The following VAV3 variants were observed in gnomAD, a reference collection of about 807,000 sequenced individuals.
The protein encoded by VAV3 is vav guanine nucleotide exchange factor 3.
Under a neutral mutation model 131.2 loss-of-function variants are expected in VAV3, and 94 were observed. The ratio of observed to expected loss-of-function variants is 0.72; its 90% CI spans 0.61 to 0.85. VAV3 has a LOEUF of 0.85. VAV3 is among the 40% of genes least tolerant of loss of function. VAV3 has a pLI of 0.00. For synonymous variants in VAV3, 349 were observed against 342.0 expected (o/e 1.02, Z -0.22); for missense variants, 939 against 1,002.7 (o/e 0.94, Z 0.86).
In VAV3 at chr1:107,871,444, G is replaced by C. The variant is rs549637226; in HGVS notation, c.321+3457C>G. Among the ~76,000 whole-genome samples, 4 of 150,292 alleles carry C rather than the reference G, an allele frequency of 2.7e-5. No homozygotes were observed. The South Asian group carries it at 8.4e-4, about 32-fold the overall frequency. On this transcript the variant is annotated intron_variant, in intron 2 of 26. Coordinates refer to ENST00000370056, the MANE Select transcript of VAV3 (RefSeq NM_006113.5). Reference sequence around the variant, plus strand: ...GAGTGAGAGTCATATCTAACCTGAAGGCCTCTGCTGACTCTTAAATGAGTT... The same window carrying C: ...GAGTGAGAGTCATATCTAACCTGAACGCCTCTGCTGACTCTTAAATGAGTT...
intron 2 of VAV3, among the ~76,000 whole-genome samples, chr1:107,827,012 G>A (rs889412537): frequency 6.6e-6 from 1 of 151,986 alleles, no homozygotes; most frequent in Non-Finnish European, 1.5e-5. Flanking sequence ...AAAAAAATAT[G>A]AATGACCTAA....
chr1:107,712,457 C>T (rs1261981240), intron 15 of VAV3, among the ~76,000 whole-genome samples: 1 of 152,136 alleles, frequency 6.6e-6, no homozygotes, highest in African/African-American at 2.4e-5. Context: ...AGATTGGACA[C>T]ACCTGTTGTA....
chr1:107,579,121 G>A (rs1269453708), intron 25 of VAV3, among the ~76,000 whole-genome samples: 4 of 152,058 alleles, frequency 2.6e-5, no homozygotes, highest in Non-Finnish European at 5.9e-5. Flanking sequence ...ATCATCATTC[G>A]CATTCCTATC....
chr1:107,595,902 A>C (rs1418715620), intron 25 of VAV3, among the ~76,000 whole-genome samples: 2 of 152,196 alleles, frequency 1.3e-5, no homozygotes, highest in Non-Finnish European at 2.9e-5. Flanking sequence ...ATTACATGTA[A>C]GTTAAAAAGA....
chr1:107,642,830 T>A, intron 19 of VAV3, 75 bp from the exon 20 acceptor site: 1 of 1,587,794 alleles, frequency 6.3e-7, no homozygotes, highest in Non-Finnish European at 8.5e-7. Context: ...TTACAAAAAA[T>A]GTCATTATTA....
intron 1 of VAV3, among the ~76,000 whole-genome samples, chr1:107,960,573 G>T (rs1207273008): frequency 1.3e-5 from 2 of 151,928 alleles, no homozygotes; most frequent in East Asian, 3.9e-4. Context: ...AGTCCTTAAA[G>T]TGGCCCACAA....
At chr1:107,754,220 A>T (rs911602444) in intron 12 of VAV3, among the ~76,000 whole-genome samples, 1 of 152,214 alleles carries the variant, frequency 6.6e-6, no homozygotes, top group Non-Finnish European at 1.5e-5. Context: ...GAAGACAACA[A>T]CAAAAAAATC....
intron 15 of VAV3, among the ~76,000 whole-genome samples, chr1:107,724,903 A>T (rs565354054): frequency 3.9e-4 from 60 of 151,950 alleles, no homozygotes; most frequent in African/African-American, 1.4e-3. Context: ...TACTCCAGAA[A>T]TCTGATCTTG....
At chr1:107,961,201 C>T (rs1174671959) in intron 1 of VAV3, among the ~76,000 whole-genome samples, 1 of 152,168 alleles carries the variant, frequency 6.6e-6, no homozygotes, top group East Asian at 1.9e-4. Flanking sequence ...ATTACCCCTA[C>T]TATAAAGCAT....
chr1:107,743,943 T>C (rs752643035), intron 15 of VAV3, among the ~76,000 whole-genome samples: 1 of 152,346 alleles, frequency 6.6e-6, no homozygotes, highest in Non-Finnish European at 1.5e-5. Context: ...TGACTTCAAA[T>C]TCCTTCTGGA....
intron 19 of VAV3, among the ~76,000 whole-genome samples, chr1:107,657,018 A>T (rs140394625): frequency 1.4e-5 from 2 of 138,928 alleles, no homozygotes; most frequent in African/African-American, 5.5e-5. Flanking sequence ...CAGTGGCACA[A>T]TCTCAGCTCA....
chr1:107,963,418 C>CTCACT (rs1557949896), intron 1 of VAV3: 1 of 152,062 alleles, frequency 6.6e-6, no homozygotes, highest in African/African-American at 2.4e-5. Context: ...AATAATTTAC[C>CTCACT]TCACTTTTAA....
rs987094639 is a variant in VAV3 at position 107,691,415 on chromosome 1, T to C, written c.1706-3009A>G. 2.6e-5 allele frequency among the ~76,000 whole-genome samples: 4 copies of C among 152,302 alleles called. No individual in the cohort carries two copies. The East Asian group carries it at 7.7e-4, about 29-fold the overall frequency. On this transcript the variant is annotated intron_variant, in intron 17 of 26. Coordinates refer to ENST00000370056, the MANE Select transcript of VAV3 (RefSeq NM_006113.5). ...GGGCACTTGGATCTCTAGAAAACTC[T>C]GTTCATGCCTTAGTTCTGCAATAGA...
At chr1:107,576,316 C>A in intron 25 of VAV3, 1 of 1,237,160 alleles carries the variant, frequency 8.1e-7, no homozygotes. Context: ...GTATGAGAAG[C>A]CATACATGGA....
At chr1:107,939,795 T>C (rs1022953042) in intron 1 of VAV3, among the ~76,000 whole-genome samples, 2 of 151,986 alleles carry the variant, frequency 1.3e-5, no homozygotes, top group Non-Finnish European at 2.9e-5. Flanking sequence ...GGAAGAAAAA[T>C]ACAAAGACGA....
chr1:107,617,493 G>A, intron 21 of VAV3, 74 bp downstream of exon 21: 1 of 1,348,100 alleles, frequency 7.4e-7, no homozygotes, highest in Non-Finnish European at 1.0e-6. Context: ...AGTATCCTTT[G>A]TAGATTTTTG....
At chr1:107,788,385 G>C (rs985115179) in intron 2 of VAV3, among the ~76,000 whole-genome samples, 1 of 151,974 alleles carries the variant, frequency 6.6e-6, no homozygotes, top group East Asian at 1.9e-4. Context: ...CCCATGTTCA[G>C]CCACACCCAA....
intron 1 of VAV3, among the ~76,000 whole-genome samples, chr1:107,962,633 C>A (rs1241242352): frequency 1.3e-5 from 2 of 152,116 alleles, no homozygotes; most frequent in Non-Finnish European, 2.9e-5. Flanking sequence ...TGCAATGAGG[C>A]CAAGAACCAT....
intron 25 of VAV3, among the ~76,000 whole-genome samples, chr1:107,586,008 G>A (rs1570562920): frequency 6.6e-6 from 1 of 152,244 alleles, no homozygotes; most frequent in East Asian, 1.9e-4. Flanking sequence ...CAGAAGTGAT[G>A]AACCAGCTTT....
Sources: allele counts gnomAD v4.1 joint callset (sites outside exome capture counted in the v4.1 genomes callset), GRCh38; gene constraint gnomAD v4.1.1; transcripts MANE v1.5; gene names NCBI Gene and HGNC (gene_info 2026-07-23, HGNC 2026-07-21).